CCDC144A: variants seen among roughly 807,000 people sequenced by gnomAD.
CCDC144A encodes coiled-coil domain-containing protein 144A.
A neutral mutation model predicts 143.8 loss-of-function variants in CCDC144A; 41 were observed. The observed-to-expected ratio is 0.29, with a 90% CI of 0.22 to 0.37. The LOEUF is 0.37. Ranked by LOEUF, CCDC144A falls within the 10% of genes least tolerant of loss-of-function variation. The pLI is 1.00. For missense variants in CCDC144A, 637 were observed against 1,488.8 expected, an observed-to-expected ratio of 0.43 and a Z score of 9.41; for synonymous variants, 242 against 517.9, an observed-to-expected ratio of 0.47 and a Z score of 7.23.
the CCDC144A span, among the ~76,000 whole-genome samples, chr17:16,675,432 G>C: frequency 6.6e-6 from 1 of 151,078 alleles, no homozygotes; most frequent in Non-Finnish European, 1.5e-5. Flanking sequence ...AATAAAAGGA[G>C]CAGATATTTA....
chr17:16,719,044 C>G (rs964730664), intron 6 of CCDC144A, among the ~76,000 whole-genome samples: 12 of 150,148 alleles, frequency 8.0e-5, no homozygotes, highest in African/African-American at 3.0e-4. Context: ...CTTGGGAAAG[C>G]TGGTCTTGAA....
chr17:16,751,577 C>T (rs1597583348), intron 12 of CCDC144A, among the ~76,000 whole-genome samples: 1 of 152,296 alleles, frequency 6.6e-6, no homozygotes, highest in South Asian at 2.1e-4. Flanking sequence ...TGGTGCCACA[C>T]CTGAATTTTG....
At chr17:16,758,381 A>C (rs3868156) in intron 12 of CCDC144A, among the ~76,000 whole-genome samples, 8 of 152,240 alleles carry the variant, frequency 5.3e-5, no homozygotes, top group South Asian at 4.1e-4. Context: ...TTTATCACAG[A>C]CGGTAGGGAT....
chr17:16,762,879 G>T (rs992764747), intron 14 of CCDC144A, among the ~76,000 whole-genome samples: 10 of 148,092 alleles, frequency 6.8e-5, no homozygotes, highest in Non-Finnish European at 1.5e-4. Context: ...AATTTAGACA[G>T]TGATACCATT....
intron 12 of CCDC144A, among the ~76,000 whole-genome samples, chr17:16,758,455 G>T (rs867862053): frequency 6.6e-6 from 1 of 152,212 alleles, no homozygotes; most frequent in African/African-American, 2.4e-5. Context: ...ACACAAAGAC[G>T]TAAGAACTAA....
the CCDC144A span, among the ~76,000 whole-genome samples, chr17:16,680,861 A>G: frequency 6.6e-6 from 1 of 152,122 alleles, no homozygotes; most frequent in African/African-American, 2.4e-5. Context: ...TTTTAATAAT[A>G]ACTATATGGT....
At chr17:16,683,890 T>C in the CCDC144A span, 2 of 1,346,768 alleles carry the variant, frequency 1.5e-6, no homozygotes, top group South Asian at 1.2e-5. Flanking sequence ...TCTACGCTGA[T>C]GGCTGCTGCT....
rs1319520673 is a variant in CCDC144A, at chr17:16,725,031, T to G, written c.1892-2496T>G. 2.9e-3 allele frequency among the ~76,000 whole-genome samples: 356 copies of G among 120,966 alleles called. 3 individuals carry two copies. Among genetic ancestry groups the G allele is most frequent in the African/African-American group, 8.3e-3 (226 of 27,288 alleles). 79.4% of individuals were successfully genotyped at this position (120,966 alleles called of 152,430 possible). On this transcript the variant is annotated intron_variant, in intron 8 of 16. Transcript: ENST00000399273. ...TTTTTTTTTTTTTTTTTTTTTTTTTTTTTGTGTGAAATCTACTTTGGTATT... is the reference window on the plus strand; with the variant it reads ...TTTTTTTTTTTTTTTTTTTTTTTTTGTTTGTGTGAAATCTACTTTGGTATT...
Position 16,749,989 on chromosome 17 carries a change from T to C in CCDC144A, c.3373-11436T>C, listed in dbSNP as rs149291915. On this transcript the variant is annotated intron_variant, in intron 12 of 16. Transcript: ENST00000399273. ...CCTGTGGGTGCCATTACATGTGAGA[T>C]GTGTCTTTTGAATATAGCAGACTGT... 2.9e-3 allele frequency among the ~76,000 whole-genome samples: 444 copies of C among 152,372 alleles called. 17 individuals are homozygous for C. Among genetic ancestry groups the C allele is most frequent in the Admixed American group, 0.028 (436 of 15,308 alleles).
chr17:16,729,923 A>G (rs1425383357), intron 9 of CCDC144A, among the ~76,000 whole-genome samples: 1 of 141,606 alleles, frequency 7.1e-6, no homozygotes, highest in Non-Finnish European at 1.5e-5. Context: ...TAGTGCGCCC[A>G]TCACCTGAGT....
intron 12 of CCDC144A, chr17:16,745,631 T>A (rs1035764737): frequency 6.4e-7 from 1 of 1,571,292 alleles, no homozygotes; most frequent in Non-Finnish European, 8.6e-7. Flanking sequence ...GTGCAGTGAC[T>A]CACTCTGCCT....
chr17:16,673,606 G>A, the CCDC144A span, among the ~76,000 whole-genome samples: 1 of 151,710 alleles, frequency 6.6e-6, no homozygotes, highest in East Asian at 1.9e-4. Context: ...GGCTGGTCTC[G>A]AACTCCTGAC....
chr17:16,712,851 C>T (rs1465316955), intron 6 of CCDC144A, among the ~76,000 whole-genome samples: 2 of 152,144 alleles, frequency 1.3e-5, no homozygotes, highest in African/African-American at 2.4e-5. Context: ...TTTGATGACA[C>T]ATCTTAAGCC....
At chr17:16,745,649 C>T in intron 12 of CCDC144A, 5 of 1,593,162 alleles carry the variant, frequency 3.1e-6, no homozygotes, top group Non-Finnish European at 4.3e-6. Flanking sequence ...CCTCTTCCCT[C>T]TTCTCAGGAC....
chr17:16,741,011 C>CT (rs1179908544), intron 12 of CCDC144A, among the ~76,000 whole-genome samples: 1 of 151,086 alleles, frequency 6.6e-6, no homozygotes, highest in African/African-American at 2.4e-5. Flanking sequence ...CATCCTTCTC[C>CT]TGGTTGTCTG....
upstream of CCDC144A, among the ~76,000 whole-genome samples, chr17:16,687,367 G>T (rs528551383): frequency 1.4e-5 from 2 of 144,890 alleles, no homozygotes; most frequent in East Asian, 2.2e-4. Context: ...GCCGCCCCCC[G>T]CAGGGATAAC....
intron 7 of CCDC144A, 36 bp from the exon 8 acceptor site, chr17:16,720,481 C>A (rs369742285): frequency 6.3e-7 from 1 of 1,598,190 alleles, no homozygotes; most frequent in Non-Finnish European, 8.5e-7. Context: ...ATAAATCTTT[C>A]GAGGACATTT....
rs1290477676 is a variant in CCDC144A, at chr17:16,776,794, G to A, written c.*3161G>A. 6.6e-6 allele frequency: 1 copy of A among 152,128 alleles called. No individual in the cohort carries two copies. Among genetic ancestry groups the A allele is most frequent in the East Asian group, 1.9e-4 (1 of 5,184 alleles). The allele number at this position is 152,128 out of a possible 1,614,324, so 9.4% of individuals were successfully genotyped here. On this transcript the variant is annotated 3_prime_UTR_variant, in exon 17 of 17. Coordinates refer to ENST00000399273, the MANE Select transcript of CCDC144A (RefSeq NM_001382000.1). ...GTCTTGTGTCAGTTTTCAAGGGAAC[G>A]CTTCCAGGTTTTCAGGTACTCAGGC...
intron 12 of CCDC144A, among the ~76,000 whole-genome samples, chr17:16,759,773 T>G (rs1194869457): frequency 2.6e-4 from 40 of 152,250 alleles, no homozygotes; most frequent in Admixed American, 2.0e-3. Flanking sequence ...TGTTGTGTTG[T>G]TGTTGTGCAA....
Sources: allele counts gnomAD v4.1 joint callset (sites outside exome capture counted in the v4.1 genomes callset), GRCh38; gene constraint gnomAD v4.1.1; transcripts MANE v1.5; gene names NCBI Gene and HGNC (gene_info 2026-07-23, HGNC 2026-07-21).